The following KANSL2 variants were observed in gnomAD, a reference collection of about 807,000 sequenced individuals.
The protein encoded by KANSL2 is NSL complex protein NSL2.
Under a neutral mutation model 55.6 loss-of-function variants are expected in KANSL2, and 34 were observed. The observed-to-expected ratio is 0.61, with a 90% CI of 0.46 to 0.81. The LOEUF (loss-of-function observed/expected upper bound fraction) is 0.81. Ranked by LOEUF, KANSL2 falls within the 40% of genes least tolerant of loss-of-function variation. The pLI, the probability that KANSL2 is intolerant of heterozygous loss-of-function variation, is 0.00. For missense variants in KANSL2, 502 were observed against 609.9 expected (o/e 0.82, Z 1.86); for synonymous variants, 209 against 214.3 (o/e 0.98, Z 0.22).
At chr12:48,668,161 ATTC>A (rs564626734) in intron 6 of KANSL2, among the ~76,000 whole-genome samples, 254 of 152,372 alleles carry the variant, frequency 1.7e-3, no homozygotes, top group Middle Eastern at 0.01. Flanking sequence ...TGATCACTTA[ATTC>A]TTCTTCCTAT....
chr12:48,665,570 A>C (rs1057236619), intron 7 of KANSL2, among the ~76,000 whole-genome samples: 3 of 152,230 alleles, frequency 2.0e-5, no homozygotes, highest in Non-Finnish European at 4.4e-5. Context: ...TCTCAAAAAA[A>C]ACAAATAAAG....
At chr12:48,661,702 A>G (rs2137180760) in intron 7 of KANSL2, among the ~76,000 whole-genome samples, 1 of 152,284 alleles carries the variant, frequency 6.6e-6, no homozygotes, top group Non-Finnish European at 1.5e-5. Context: ...ATTTCTTTCA[A>G]TGCATACTTG....
At position 48,663,642 on chromosome 12, in the gene KANSL2, C is replaced by T. The variant is rs563758024; in HGVS notation, c.974-3023G>A. Among the ~76,000 whole-genome samples, 6 of 152,142 alleles carry T rather than the reference C, an allele frequency of 3.9e-5. No homozygotes were observed. The South Asian group carries it at 1.2e-3, about 32-fold the overall frequency. ...TTAATAAACAGTAAATATATTTTCT[C>T]TTATGATTTTCTTAGTAACACTTTT... On this transcript the variant is annotated intron_variant, in intron 7 of 9. Transcript: ENST00000420613.
rs777330750 is a variant in KANSL2, at chr12:48,679,111, G to C, written c.470C>G (p.Thr157Ser). The C allele has an allele frequency of 6.2e-7, 1 of 1,613,878 alleles. No individual in the cohort carries two copies. Among genetic ancestry groups the C allele is most frequent in the South Asian group, 1.1e-5 (1 of 91,078 alleles). ...SWSDGEQEPI[T>S]VDQTWRGDPD... is the part of the protein sequence containing the mutation. ...GTCACCTCTCCATGTCTGATCCACA[G>C]TAATGGGTTCCTGCTCCCCATCACT... The change falls in exon 4 of 10, where the codon ACT (threonine) becomes AGT (serine). Residue 157 changes from threonine to serine, a missense_variant. Physicochemically the swap from Thr to Ser is moderately conservative, Grantham distance 58. Transcript: ENST00000420613.
chr12:48,660,135 T>G (rs1171133165), intron 8 of KANSL2, among the ~76,000 whole-genome samples: 2 of 152,176 alleles, frequency 1.3e-5, no homozygotes, highest in Non-Finnish European at 1.5e-5. Flanking sequence ...GAGTGCAATT[T>G]ATAGTATGTA....
chr12:48,668,640 G>A (rs574581543), intron 6 of KANSL2, among the ~76,000 whole-genome samples: 13 of 152,216 alleles, frequency 8.5e-5, no homozygotes, highest in South Asian at 2.1e-4. Flanking sequence ...TGGATGCTGC[G>A]GTGAGCCAAG....
intron 7 of KANSL2, among the ~76,000 whole-genome samples, chr12:48,661,608 A>G (rs750001725): frequency 6.6e-6 from 1 of 152,232 alleles, no homozygotes; most frequent in Non-Finnish European, 1.5e-5. Context: ...TTTCAACTCA[A>G]AACTTTTATG....
chr12:48,669,335 C>G, intron 5 of KANSL2, 63 bp from the exon 6 acceptor site: 1 of 1,328,892 alleles, frequency 7.5e-7, no homozygotes, highest in South Asian at 1.5e-5. Flanking sequence ...GTCTCCAAGT[C>G]AACAAGTAAA....
At chr12:48,673,758 G>A (rs1418960297) in intron 4 of KANSL2, among the ~76,000 whole-genome samples, 1 of 151,856 alleles carries the variant, frequency 6.6e-6, no homozygotes, top group Non-Finnish European at 1.5e-5. Context: ...GACCAGCCTG[G>A]GCTGTAACAT....
chr12:48,670,377 A>G (rs1383855784), intron 5 of KANSL2, among the ~76,000 whole-genome samples: 3 of 152,142 alleles, frequency 2.0e-5, no homozygotes, highest in Non-Finnish European at 4.4e-5. Flanking sequence ...CTCAGAAAGT[A>G]TTGCAGAAGA....
At chr12:48,681,877 G>A (rs1484217508) in intron 1 of KANSL2, 24 of 704,228 alleles carry the variant, frequency 3.4e-5, no homozygotes, top group Admixed American at 3.0e-4. Context: ...TGTATCTTCA[G>A]GACTCGCACA....
chr12:48,654,104 T>A lies in KANSL2; in HGVS notation c.1419A>T (p.Pro473=). The stretch of plus-strand genomic sequence containing the variant: ...CAGTAGCCAATCCACTCTGAGACAA[T>A]GGTGCAGAGGCTTTCTCAGAATTTC... ...GSRNSEKASA[P]LSQSGLATAN... Residue 473 remains proline, a synonymous_variant, in exon 10 of 10, where the codon CCA becomes CCT. Transcript: ENST00000420613. The A allele has an allele frequency of 6.2e-7, 1 of 1,612,902 alleles. No homozygotes were observed. The highest frequency in any genetic ancestry group is 8.5e-7 in the Non-Finnish European group (1 of 1,179,406).
chr12:48,653,953 G>A lies in KANSL2; in HGVS notation c.*91C>T. Reference sequence around the variant, plus strand: ...TCCAGAAGAAAAACAAGGTAGTCTGGGTTGCCTGTGTTTTGTGAGAGATGA... The same window carrying A: ...TCCAGAAGAAAAACAAGGTAGTCTGAGTTGCCTGTGTTTTGTGAGAGATGA... On this transcript the variant is annotated 3_prime_UTR_variant, in exon 10 of 10. Coordinates refer to ENST00000420613, the MANE Select transcript of KANSL2 (RefSeq NM_017822.4). 1 of 1,321,824 alleles carries A rather than the reference G, an allele frequency of 7.6e-7. No homozygotes were observed. Among genetic ancestry groups the A allele is most frequent in the Non-Finnish European group, 1.0e-6 (1 of 981,468 alleles). The allele number at this position is 1,321,824 out of a possible 1,614,324, so 81.9% of individuals were successfully genotyped here.
chr12:48,667,038 AG>A (rs1400462457), intron 7 of KANSL2, among the ~76,000 whole-genome samples: 1 of 151,984 alleles, frequency 6.6e-6, no homozygotes, highest in Non-Finnish European at 1.5e-5. Context: ...AACATTAGCC[AG>A]GTATTGTGGT....
At chr12:48,659,664 G>C (rs77580463) in intron 8 of KANSL2, among the ~76,000 whole-genome samples, 5,393 of 152,052 alleles carry the variant, frequency 0.035, 145 homozygotes, top group African/African-American at 0.071. Context: ...AGCTGGGCGT[G>C]GTGGCTCATG....
chr12:48,666,593 T>C (rs1294402809), intron 7 of KANSL2, among the ~76,000 whole-genome samples: 1 of 151,764 alleles, frequency 6.6e-6, no homozygotes, highest in East Asian at 1.9e-4. Context: ...CTCAGGAGGA[T>C]GACACACAAG....
intron 8 of KANSL2, among the ~76,000 whole-genome samples, chr12:48,655,628 A>AG (rs1208032166): frequency 2.6e-5 from 4 of 152,190 alleles, no homozygotes; most frequent in African/African-American, 9.6e-5. Context: ...GGAGAATAGT[A>AG]GGGAACAGGG....
intron 7 of KANSL2, among the ~76,000 whole-genome samples, chr12:48,664,530 G>A (rs1402657924): frequency 6.7e-5 from 10 of 148,764 alleles, no homozygotes; most frequent in Middle Eastern, 3.6e-3. Flanking sequence ...TGCCCGCCTC[G>A]GCCTCCCAAA....
At chr12:48,672,408 CGTATAT>C (rs1565608371) in intron 4 of KANSL2, among the ~76,000 whole-genome samples, 3 of 104,350 alleles carry the variant, frequency 2.9e-5, no homozygotes, top group Non-Finnish European at 5.6e-5. Flanking sequence ...TATATATATA[CGTATAT>C]ATATATATAT....
Sources: allele counts gnomAD v4.1 joint callset (sites outside exome capture counted in the v4.1 genomes callset), GRCh38; gene constraint gnomAD v4.1.1; transcripts MANE v1.5; gene names NCBI Gene and HGNC (gene_info 2026-07-23, HGNC 2026-07-21).